Variants in LMTK2 observed in about 807,000 individuals in gnomAD.
LMTK2 encodes the protein serine/threonine-protein kinase LMTK2.
Under a neutral mutation model 127.5 loss-of-function variants are expected in LMTK2, and 37 were observed. That is an observed-to-expected ratio of 0.29 (90% confidence interval 0.22 to 0.38). LMTK2 has a LOEUF of 0.38. Ranked by LOEUF, LMTK2 falls within the 10% of genes least tolerant of loss-of-function variation. LMTK2 has a pLI of 1.00. For missense variants in LMTK2, 1,694 were observed against 1,920.3 expected (o/e 0.88, Z 2.20); for synonymous variants, 819 against 810.1 (o/e 1.01, Z -0.19).
At chr7:98,125,412 G>T (rs1562897711) in intron 1 of LMTK2, among the ~76,000 whole-genome samples, 1 of 152,182 alleles carries the variant, frequency 6.6e-6, no homozygotes, top group African/African-American at 2.4e-5. Context: ...CCTGTGTGCA[G>T]GGACTTTGTT....
intron 4 of LMTK2, 28 bp from the exon 5 acceptor site, chr7:98,154,730 G>T: frequency 7.1e-7 from 1 of 1,411,558 alleles, no homozygotes; most frequent in South Asian, 1.2e-5. Context: ...TGATGGAAAT[G>T]ACACAAAAAA....
chr7:98,119,208 C>T (rs1362024297), intron 1 of LMTK2, among the ~76,000 whole-genome samples: 6 of 152,182 alleles, frequency 3.9e-5, no homozygotes, highest in Admixed American at 6.5e-5. Context: ...GGTTATTTCT[C>T]CCCTCATCCC....
intron 6 of LMTK2, among the ~76,000 whole-genome samples, chr7:98,159,828 CT>C (rs1249491006): frequency 6.6e-6 from 1 of 152,190 alleles, no homozygotes; most frequent in Non-Finnish European, 1.5e-5. Context: ...CTTTAACCCC[CT>C]GAGAGAGCCC....
chr7:98,128,609 T>C (rs1796476962), intron 1 of LMTK2, among the ~76,000 whole-genome samples: 1 of 152,200 alleles, frequency 6.6e-6, no homozygotes, highest in African/African-American at 2.4e-5. Context: ...CAATTAAGAT[T>C]CCTGTTTTGT....
chr7:98,197,857 C>T (rs1797650788), intron 11 of LMTK2, among the ~76,000 whole-genome samples: 1 of 152,150 alleles, frequency 6.6e-6, no homozygotes, highest in Non-Finnish European at 1.5e-5. Flanking sequence ...CTCCTGCTCT[C>T]CAGCTTTGAG....
chr7:98,193,085 G>A lies in LMTK2; in HGVS notation c.2620G>A (p.Ala874Thr). The A allele has an allele frequency of 6.2e-7, 1 of 1,613,766 alleles. No homozygotes were observed. Among genetic ancestry groups the A allele is most frequent in the Non-Finnish European group, 8.5e-7 (1 of 1,180,024 alleles). ...TVPVEILSTD[A>T]RTHSLDNRSQ... is the part of the protein sequence containing the mutation. ...CCCGGTTGAAATTCTCTCAACTGAT[G>A]CCAGAACCCACAGCCTGGATAACAG... Residue 874 changes from alanine (A) to threonine (T), a missense_variant, in exon 11 of 14, where the codon GCC (alanine) becomes ACC (threonine). Ala to Thr is a moderately conservative substitution (Grantham distance 58). Coordinates refer to ENST00000297293, the MANE Select transcript of LMTK2 (RefSeq NM_014916.4). The surrounding 1 kb of genome is among the most constrained non-coding windows in gnomAD (Gnocchi z 4.1).
In LMTK2 at chr7:98,140,153, T is replaced by TGTC. The variant is rs1562902769; in HGVS notation, c.232-1244_232-1243insGTC. 3.1e-3 allele frequency among the ~76,000 whole-genome samples: 16 copies of TGTC among 5,152 alleles called. 3 individuals are homozygous for TGTC. The highest frequency in any genetic ancestry group is 6.2e-3 in the African/African-American group (16 of 2,588). 3.4% of individuals were successfully genotyped at this position (5,152 alleles called of 152,430 possible). On this transcript the variant is annotated intron_variant, in intron 2 of 13. Coordinates refer to ENST00000297293, the MANE Select transcript of LMTK2 (RefSeq NM_014916.4). ...TTCTTTCTTTCTTTCTTTTCTTTTC[T>TGTC]TTTCTTTTCTTTTCTTTTCTTTCTT...
At position 98,193,555 on chromosome 7, in the gene LMTK2, T is replaced by C. The variant is rs771077662; in HGVS notation, c.3090T>C (p.Ser1030=). The C allele has an allele frequency of 6.2e-7, 1 of 1,614,130 alleles. No homozygotes were observed. The highest frequency in any genetic ancestry group is 8.5e-7 in the Non-Finnish European group (1 of 1,180,010). ...KLVPPDKPAD[S]GYETENLESP... Reference sequence around the variant, plus strand: ...TGCCCCCCGATAAGCCGGCAGACAGTGGCTACGAAACAGAGAACTTGGAGT... The same window carrying C: ...TGCCCCCCGATAAGCCGGCAGACAGCGGCTACGAAACAGAGAACTTGGAGT... The change falls in exon 11 of 14, where the codon AGT becomes AGC. Residue 1030 remains serine, a synonymous_variant. Coordinates refer to ENST00000297293, the MANE Select transcript of LMTK2 (RefSeq NM_014916.4). The surrounding 1 kb of genome is among the most constrained non-coding windows in gnomAD (Gnocchi z 4.1).
chr7:98,169,419 G>A (rs945583875), intron 6 of LMTK2, among the ~76,000 whole-genome samples: 2 of 152,206 alleles, frequency 1.3e-5, no homozygotes, highest in Non-Finnish European at 2.9e-5. Flanking sequence ...AGCCACGCCC[G>A]CTCTGCGCTT....
intron 7 of LMTK2, among the ~76,000 whole-genome samples, chr7:98,172,428 T>A (rs1052777098): frequency 1.3e-5 from 2 of 151,944 alleles, no homozygotes; most frequent in Non-Finnish European, 2.9e-5. Context: ...CGTAGTTCTT[T>A]GGAACACGTT....
In LMTK2 at chr7:98,192,258, A is replaced by G. The variant is rs1797539823; in HGVS notation, c.1793A>G (p.Glu598Gly). 6.6e-7 allele frequency: 1 copy of G among 1,526,178 alleles called. No homozygotes were observed. Among genetic ancestry groups the G allele is most frequent in the Non-Finnish European group, 8.8e-7 (1 of 1,141,418 alleles). The allele number at this position is 1,526,178 out of a possible 1,614,324, so 94.5% of individuals were successfully genotyped here. A position where few individuals can be genotyped will look rare whatever the true frequency, so the allele number is the denominator to read the frequency against. Reference sequence around the variant, plus strand: ...ACGGCGCTCAGGAGCGTTGAACTTGAGGAGTCCAGTACAGATGAGGACTTC... The same window carrying G: ...ACGGCGCTCAGGAGCGTTGAACTTGGGGAGTCCAGTACAGATGAGGACTTC... ...QLTALRSVEL[E>G]ESSTDEDFFQ... The change falls in exon 11 of 14, where the codon GAG becomes GGG. Residue 598 changes from glutamate to glycine, a missense_variant. Around this residue, in one of 8 missense-constraint regions of LMTK2, gnomAD observed 527 missense variants for 539.8 expected, o/e 0.98. Transcript: ENST00000297293.
In LMTK2 at chr7:98,171,182, A is replaced by C. The variant is rs1797184966; in HGVS notation, c.658-359A>C. ...CCAGGGGCCGCCTGGAGTCCATAGA[A>C]CAGGCAGTGTGAGTGGCACCATTTC... is the stretch of plus-strand genomic sequence containing the variant. On this transcript the variant is annotated intron_variant, in intron 6 of 13. Coordinates refer to ENST00000297293, the MANE Select transcript of LMTK2 (RefSeq NM_014916.4). This position sits in a 1 kb window ranked among gnomAD's most constrained non-coding sequence, Gnocchi z 5.1. 6.6e-6 allele frequency among the ~76,000 whole-genome samples: 1 copy of C among 152,136 alleles called. No individual in the cohort carries two copies. The highest frequency in any genetic ancestry group is 1.5e-5 in the Non-Finnish European group (1 of 68,038).
At chr7:98,133,514 T>C (rs540815556) in intron 1 of LMTK2, among the ~76,000 whole-genome samples, 18 of 152,284 alleles carry the variant, frequency 1.2e-4, no homozygotes, top group African/African-American at 4.3e-4. Flanking sequence ...AATAGAGTTT[T>C]TTTTTATAGC....
At chr7:98,177,323 A>G (rs1584282810) in intron 7 of LMTK2, among the ~76,000 whole-genome samples, 1 of 152,208 alleles carries the variant, frequency 6.6e-6, no homozygotes, top group East Asian at 1.9e-4. Context: ...ATCTGGGTAT[A>G]TATTATGTGA....
chr7:98,146,928 G>A (rs542313735), intron 3 of LMTK2, among the ~76,000 whole-genome samples: 41 of 152,230 alleles, frequency 2.7e-4, no homozygotes, highest in African/African-American at 9.4e-4. Context: ...TTGTTGTAGG[G>A]CAGGTATACT....
chr7:98,180,365 A>G (rs1443158316), intron 7 of LMTK2, among the ~76,000 whole-genome samples: 1 of 152,254 alleles, frequency 6.6e-6, no homozygotes, highest in African/African-American at 2.4e-5. Context: ...ACTTAAAACT[A>G]TAAATTAGGC....
At chr7:98,116,238 C>T (rs1172091252) in intron 1 of LMTK2, among the ~76,000 whole-genome samples, 1 of 152,162 alleles carries the variant, frequency 6.6e-6, no homozygotes, top group Non-Finnish European at 1.5e-5. Flanking sequence ...TTTGCAAGGA[C>T]CGTGTCTTAT....
At position 98,203,602 on chromosome 7, in the gene LMTK2, G is replaced by A; in HGVS notation, c.4136G>A (p.Cys1379Tyr). The A allele has an allele frequency of 1.2e-6, 2 of 1,604,800 alleles. No individual in the cohort carries two copies. The highest frequency in any genetic ancestry group is 1.7e-6 in the Non-Finnish European group (2 of 1,177,730). Residue 1379 changes from cysteine to tyrosine, a missense_variant, in exon 12 of 14, where the codon TGT becomes TAT. This residue lies in a region of LMTK2 where 554 missense variants were observed against 567.7 expected (regional missense o/e 0.98). Coordinates refer to ENST00000297293, the MANE Select transcript of LMTK2 (RefSeq NM_014916.4). ...ACCCCAACCAAAGAGCTGGGGCCCT[G>A]TGGAGGAGAGGCGTGCGGCCCGGAC... ...QETPTKELGPCGGEACGPDLS... is the reference protein window; with the variant it reads ...QETPTKELGPYGGEACGPDLS...
rs762024793 is a variant in LMTK2, at chr7:98,122,185, G to T, written c.103+14905G>T. Among the ~76,000 whole-genome samples, 7 of 152,222 alleles carry T rather than the reference G, an allele frequency of 4.6e-5. No individual in the cohort carries two copies. The East Asian group carries it at 1.3e-3, about 29-fold the overall frequency. ...CACCACCATTGATTTATATGCTTTTGTGGAGGTCTGGACTCCTTTTTTTTT... is the reference window on the plus strand; with the variant it reads ...CACCACCATTGATTTATATGCTTTTTTGGAGGTCTGGACTCCTTTTTTTTT... On this transcript the variant is annotated intron_variant, in intron 1 of 13. Transcript: ENST00000297293.
Sources: gnomAD v4.1 joint callset for allele counts (sites outside exome capture counted in the v4.1 genomes callset) on GRCh38, gnomAD v4.1.1 for gene constraint, gnomAD v4.1.1 regional missense constraint, Gnocchi (gnomAD v3.1) non-coding constraint, MANE v1.5 for transcripts, NCBI Gene and HGNC (gene_info 2026-07-23, HGNC 2026-07-21) for gene names.